The following BMPER variants were observed in gnomAD, a reference collection of about 807,000 sequenced individuals.
BMPER encodes BMP-binding endothelial regulator protein.
BMPER carries 45 observed loss-of-function variants against 87.3 expected under a neutral mutation model. The observed-to-expected ratio is 0.52, with a 90% CI of 0.41 to 0.66. The LOEUF is 0.66. Among genes scored for constraint, BMPER ranks in the 30% least tolerant of loss-of-function variants. The pLI is 0.00. For synonymous variants in BMPER, 326 were observed against 316.2 expected, an observed-to-expected ratio of 1.03 and a Z score of -0.33; for missense variants, 784 against 867.5, an observed-to-expected ratio of 0.90 and a Z score of 1.21.
At chr7:33,923,958 A>G (rs1784296938) in intron 2 of BMPER, among the ~76,000 whole-genome samples, 1 of 152,156 alleles carries the variant, frequency 6.6e-6, no homozygotes, top group Non-Finnish European at 1.5e-5. Context: ...GTATGCTGAT[A>G]GTTTCCACAT....
chr7:33,930,961 A>G (rs1251113888), intron 2 of BMPER, among the ~76,000 whole-genome samples: 2 of 152,108 alleles, frequency 1.3e-5, no homozygotes, highest in African/African-American at 4.8e-5. Context: ...AAGAAAAGCA[A>G]TGAAATCTGG....
intron 8 of BMPER, among the ~76,000 whole-genome samples, chr7:34,054,939 G>C (rs1788243457): frequency 6.6e-6 from 1 of 152,176 alleles, no homozygotes; most frequent in Non-Finnish European, 1.5e-5. Context: ...TTGGGAGGTA[G>C]GGGTTACGTG....
chr7:34,044,574 A>C (rs1027720103), intron 6 of BMPER, among the ~76,000 whole-genome samples: 1 of 152,190 alleles, frequency 6.6e-6, no homozygotes, highest in Non-Finnish European at 1.5e-5. Context: ...GATTCAGGTT[A>C]CATGCCCCTG....
At chr7:34,091,789 C>A (rs1789389770) in intron 13 of BMPER, among the ~76,000 whole-genome samples, 2 of 152,160 alleles carry the variant, frequency 1.3e-5, no homozygotes, top group South Asian at 4.1e-4. Context: ...AAAAATGCAA[C>A]CTCAGGCATG....
intron 2 of BMPER, among the ~76,000 whole-genome samples, chr7:33,934,711 C>A (rs1784562616): frequency 6.6e-6 from 1 of 152,152 alleles, no homozygotes; most frequent in Non-Finnish European, 1.5e-5. Flanking sequence ...TTTATCAGAT[C>A]CCAGATTGTG....
chr7:34,075,490 G>A (rs1788840962), intron 11 of BMPER, among the ~76,000 whole-genome samples: 17 of 152,116 alleles, frequency 1.1e-4, no homozygotes, highest in Admixed American at 1.1e-3. Context: ...GTATCCATAT[G>A]TTGAAAACAA....
intron 3 of BMPER, among the ~76,000 whole-genome samples, chr7:33,949,157 TC>T (rs1784960110): frequency 6.6e-6 from 1 of 152,136 alleles, no homozygotes; most frequent in African/African-American, 2.4e-5. Flanking sequence ...ATTTTTTTTT[TC>T]CTCACTAGTA....
At chr7:33,906,585 AT>A (rs1204069793) in intron 1 of BMPER, among the ~76,000 whole-genome samples, 3 of 152,232 alleles carry the variant, frequency 2.0e-5, no homozygotes, top group African/African-American at 7.2e-5. Flanking sequence ...CTGAGAACAG[AT>A]AATTTATCCC....
intron 3 of BMPER, among the ~76,000 whole-genome samples, chr7:33,940,748 C>T (rs1182058443): frequency 6.6e-6 from 1 of 150,960 alleles, no homozygotes; most frequent in Admixed American, 6.7e-5. Flanking sequence ...CATAGTAATG[C>T]AGAAGTTTGC....
intron 3 of BMPER, among the ~76,000 whole-genome samples, chr7:33,951,020 C>G (rs1260053892): frequency 1.1e-4 from 16 of 151,972 alleles, no homozygotes; most frequent in Non-Finnish European, 2.4e-4. Context: ...CCCCTGTCTC[C>G]CCATCTTCTT....
intron 13 of BMPER, among the ~76,000 whole-genome samples, chr7:34,129,005 A>G (rs116322105): frequency 1.0e-3 from 152 of 152,312 alleles, no homozygotes; most frequent in African/African-American, 3.6e-3. Flanking sequence ...GAGCTGTCAC[A>G]GCGCTAAACC....
intron 13 of BMPER, among the ~76,000 whole-genome samples, chr7:34,102,387 C>T (rs1379413877): frequency 6.6e-6 from 1 of 152,122 alleles, no homozygotes; most frequent in Non-Finnish European, 1.5e-5. Context: ...CTGTGGTGGT[C>T]AAAATTCTGC....
intron 13 of BMPER, among the ~76,000 whole-genome samples, chr7:34,117,948 T>C (rs1790158572): frequency 6.6e-6 from 1 of 152,252 alleles, no homozygotes; most frequent in Admixed American, 6.5e-5. Context: ...CTACCTTGAA[T>C]ACATTTCTTT....
chr7:33,983,742 A>T (rs1310942606), intron 6 of BMPER, among the ~76,000 whole-genome samples: 1 of 152,166 alleles, frequency 6.6e-6, no homozygotes, highest in African/African-American at 2.4e-5. Context: ...TAATTTTGAG[A>T]TATTATCTAT....
At chr7:34,038,048 G>A (rs1787728268) in intron 6 of BMPER, among the ~76,000 whole-genome samples, 2 of 152,074 alleles carry the variant, frequency 1.3e-5, no homozygotes, top group African/African-American at 4.8e-5. Context: ...TAATAATTAG[G>A]GTAGGCAGAA....
intron 6 of BMPER, among the ~76,000 whole-genome samples, chr7:33,983,588 C>T (rs1360897175): frequency 6.6e-6 from 1 of 152,036 alleles, no homozygotes; most frequent in Non-Finnish European, 1.5e-5. Flanking sequence ...TAAAAACAAA[C>T]AAACAAACAA....
At chr7:33,949,429 C>G (rs1311518368) in intron 3 of BMPER, among the ~76,000 whole-genome samples, 2 of 152,188 alleles carry the variant, frequency 1.3e-5, no homozygotes, top group Admixed American at 6.5e-5. Flanking sequence ...CTCTCTCTCT[C>G]TGTGTGCATG....
At chr7:33,969,548 T>C (rs1030522486) in intron 4 of BMPER, among the ~76,000 whole-genome samples, 5 of 152,212 alleles carry the variant, frequency 3.3e-5, no homozygotes, top group East Asian at 1.9e-4. Context: ...TACAGGCGCC[T>C]GCCACCACGC....
intron 6 of BMPER, among the ~76,000 whole-genome samples, chr7:34,001,943 G>A (rs149094939): frequency 1.6e-4 from 24 of 151,544 alleles, no homozygotes; most frequent in Non-Finnish European, 3.3e-4. Context: ...GGAATGTGTT[G>A]TTTAATTTCT....
Sources: gnomAD v4.1 joint callset for allele counts (sites outside exome capture counted in the v4.1 genomes callset) on GRCh38, gnomAD v4.1.1 for gene constraint, MANE v1.5 for transcripts, NCBI Gene and HGNC (gene_info 2026-07-23, HGNC 2026-07-21) for gene names.